Variants in TENM3 observed in about 807,000 individuals in gnomAD.
TENM3 encodes teneurin-3.
TENM3 carries 63 observed loss-of-function variants against 255.1 expected under a neutral mutation model. That is an observed-to-expected ratio of 0.25 (90% CI 0.20 to 0.30). TENM3 has a LOEUF of 0.30. Among genes scored for constraint, TENM3 ranks in the 10% least tolerant of loss-of-function variants. The pLI is 1.00. For missense variants in TENM3, 2,929 were observed against 3,461.1 expected (o/e 0.85, Z 3.86); for synonymous variants, 1,306 against 1,322.3 (o/e 0.99, Z 0.27).
intron 3 of TENM3, among the ~76,000 whole-genome samples, chr4:182,441,185 G>A (rs1772454001): frequency 6.6e-6 from 1 of 152,020 alleles, no homozygotes. Flanking sequence ...TTATAATCCT[G>A]TAATTTTTAT....
chr4:182,751,816 A>G lies in TENM3; in HGVS notation c.3646A>G (p.Arg1216Gly), dbSNP rs1305560712. 2.5e-6 allele frequency: 4 copies of G among 1,613,804 alleles called. No individual in the cohort carries two copies. The highest frequency in any genetic ancestry group is 3.4e-6 in the Non-Finnish European group (4 of 1,179,736). ...TTTTCACAGCAGCAACCCAGCTCAT[A>G]GATACTACCTTGCAACGGATCCAGT... ...VLELSSNPAH[R>G]YYLATDPVTG... The change falls in exon 20 of 28, where the codon AGA (arginine) becomes GGA (glycine). Residue 1216 changes from arginine (R) to glycine (G), a missense_variant. Physicochemically the swap from Arg to Gly is moderately radical, Grantham distance 125 (BLOSUM62 -2). Coordinates refer to ENST00000511685, the MANE Select transcript of TENM3 (RefSeq NM_001080477.4).
chr4:182,557,174 C>T (rs72701947), intron 3 of TENM3, among the ~76,000 whole-genome samples: 128 of 152,268 alleles, frequency 8.4e-4, no homozygotes, highest in Middle Eastern at 3.4e-3. Context: ...TTCTATTCAA[C>T]ATTGTATCTA....
intron 1 of TENM3, among the ~76,000 whole-genome samples, chr4:182,300,513 G>A (rs1761789421): frequency 1.3e-5 from 2 of 152,134 alleles, no homozygotes; most frequent in Admixed American, 1.3e-4. Flanking sequence ...GGAGGATTTT[G>A]CCACTGACTG....
intron 22 of TENM3, among the ~76,000 whole-genome samples, chr4:182,762,722 T>A (rs1763306606): frequency 2.0e-5 from 3 of 152,306 alleles, no homozygotes; most frequent in Middle Eastern, 6.8e-3. Flanking sequence ...AGGCTGCAAA[T>A]GCAGAACCAG....
chr4:182,764,443 G>A (rs769562185), intron 22 of TENM3, among the ~76,000 whole-genome samples: 5 of 152,188 alleles, frequency 3.3e-5, no homozygotes, highest in Admixed American at 1.3e-4. Flanking sequence ...TAAGATAGTT[G>A]TTCGACAGGC....
intron 1 of TENM3, among the ~76,000 whole-genome samples, chr4:182,230,388 C>G (rs1333431483): frequency 1.3e-5 from 2 of 152,138 alleles, no homozygotes; most frequent in Non-Finnish European, 2.9e-5. Context: ...TCAGCACGTG[C>G]ACTAGGATGG....
intron 3 of TENM3, among the ~76,000 whole-genome samples, chr4:182,382,985 T>C (rs541587252): frequency 1.1e-4 from 17 of 152,206 alleles, no homozygotes; most frequent in African/African-American, 4.1e-4. Flanking sequence ...TAAGGAAAAA[T>C]TCATTCTGGC....
chr4:182,676,843 A>G (rs1755703348), intron 7 of TENM3, among the ~76,000 whole-genome samples: 2 of 152,340 alleles, frequency 1.3e-5, no homozygotes, highest in South Asian at 2.1e-4. Context: ...TGACCTTTAA[A>G]CGGAGCTTTC....
the TENM3 span, among the ~76,000 whole-genome samples, chr4:181,951,061 C>G: frequency 1.3e-5 from 2 of 151,892 alleles, no homozygotes; most frequent in African/African-American, 4.9e-5. Flanking sequence ...AAAACATCAA[C>G]AAACAAACAA....
intron 24 of TENM3, among the ~76,000 whole-genome samples, chr4:182,775,356 TGAG>T (rs1244656248): frequency 6.6e-6 from 1 of 152,042 alleles, no homozygotes; most frequent in African/African-American, 2.4e-5. Context: ...GTGAGAGGGC[TGAG>T]AAGAAAAAGC....
chr4:182,743,257 G>A lies in TENM3; in HGVS notation c.3467G>A (p.Arg1156His), dbSNP rs1393753481. 10 of 1,614,020 alleles carry A rather than the reference G, an allele frequency of 6.2e-6. No homozygotes were observed. Among genetic ancestry groups the A allele is most frequent in the Admixed American group, 1.7e-5 (1 of 60,028 alleles). The change falls in exon 19 of 28, where the codon CGC (arginine) becomes CAC (histidine). Residue 1156 changes from arginine (R) to histidine (H), a missense_variant. Around this residue, in one of 6 missense-constraint regions of TENM3, gnomAD observed 1,608 missense variants for 1,884.4 expected, o/e 0.85. Transcript: ENST00000511685. The part of the protein sequence containing the change: ...VSSIMGNGRR[R>H]SISCPSCNGQ... ...AGCATCATGGGCAATGGGCGAAGGCGCAGCATTTCCTGCCCCAGTTGCAAT... is the reference window on the plus strand; with the variant it reads ...AGCATCATGGGCAATGGGCGAAGGCACAGCATTTCCTGCCCCAGTTGCAAT...
intron 4 of TENM3, among the ~76,000 whole-genome samples, chr4:182,611,606 CA>C (rs1476407422): frequency 1.3e-5 from 2 of 152,050 alleles, no homozygotes; most frequent in African/African-American, 4.8e-5. Context: ...TATGAGTTAG[CA>C]GACCTTTAAG....
At chr4:182,684,236 C>T (rs531209935) in intron 11 of TENM3, among the ~76,000 whole-genome samples, 7 of 151,010 alleles carry the variant, frequency 4.6e-5, no homozygotes, top group Admixed American at 2.0e-4. Flanking sequence ...AAGGAGAAAG[C>T]AAATGGATTT....
chr4:181,978,908 A>G, the TENM3 span, among the ~76,000 whole-genome samples: 1 of 150,206 alleles, frequency 6.7e-6, no homozygotes, highest in African/African-American at 2.4e-5. Flanking sequence ...GAGAGCCACA[A>G]TGGGTAATGG....
At chr4:182,544,735 A>G (rs1368206414) in intron 3 of TENM3, among the ~76,000 whole-genome samples, 1 of 152,224 alleles carries the variant, frequency 6.6e-6, no homozygotes, top group Non-Finnish European at 1.5e-5. Context: ...AGAAGGAGAC[A>G]TTCATTTAAG....
chr4:182,412,758 G>A (rs907685435), intron 3 of TENM3, among the ~76,000 whole-genome samples: 5 of 151,672 alleles, frequency 3.3e-5, no homozygotes, highest in East Asian at 1.9e-4. Context: ...GCAGCTACTC[G>A]GGAAGCTTAG....
intron 3 of TENM3, among the ~76,000 whole-genome samples, chr4:182,484,431 C>T (rs1386491321): frequency 3.3e-5 from 5 of 152,102 alleles, no homozygotes; most frequent in Admixed American, 2.0e-4. Context: ...CTTGTTTTCC[C>T]TTTCACAGCT....
At chr4:182,028,183 A>C in the TENM3 span, among the ~76,000 whole-genome samples, 1 of 152,036 alleles carries the variant, frequency 6.6e-6, no homozygotes. Flanking sequence ...GGATTTCCTC[A>C]TGGTTAAATC....
chr4:182,384,439 T>G (rs1767773241), intron 3 of TENM3, among the ~76,000 whole-genome samples: 1 of 152,024 alleles, frequency 6.6e-6, no homozygotes, highest in South Asian at 2.1e-4. Context: ...AAACAAAGAG[T>G]ATAAACAAAG....
Sources: allele counts gnomAD v4.1 joint callset (sites outside exome capture counted in the v4.1 genomes callset), GRCh38; gene constraint gnomAD v4.1.1; regional missense constraint gnomAD v4.1.1; transcripts MANE v1.5; gene names NCBI Gene and HGNC (gene_info 2026-07-23, HGNC 2026-07-21).